Variants in ALK observed in about 807,000 individuals in gnomAD.
ALK encodes ALK tyrosine kinase receptor.
Under a neutral mutation model 163.1 loss-of-function variants are expected in ALK, and 74 were observed. The ratio of observed to expected loss-of-function variants is 0.45; its 90% CI spans 0.38 to 0.55. ALK has a LOEUF of 0.55. Among genes scored for constraint, ALK ranks in the 20% least tolerant of loss-of-function variants. The pLI, the probability that ALK is intolerant of heterozygous loss-of-function variation, is 0.00. For synonymous variants in ALK, 960 were observed against 843.2 expected, an observed-to-expected ratio of 1.14 and a Z score of -2.40; for missense variants, 2,063 against 2,105.3, an observed-to-expected ratio of 0.98 and a Z score of 0.39.
chr2:29,610,952 G>A (rs578020151), intron 3 of ALK, among the ~76,000 whole-genome samples: 4 of 152,216 alleles, frequency 2.6e-5, no homozygotes, highest in African/African-American at 9.6e-5. Flanking sequence ...AGAGGTGTCT[G>A]GGATCATTAA....
Position 29,216,964 on chromosome 2 carries a change from G to A in ALK, c.3646-2883C>T, listed in dbSNP as rs1221898527. 1.5e-4 allele frequency among the ~76,000 whole-genome samples: 18 copies of A among 118,830 alleles called. No homozygotes were observed. The Middle Eastern group carries it at 0.015, about 97-fold the overall frequency. The allele number at this position is 118,830 out of a possible 152,430, so 78.0% of individuals were successfully genotyped here. On this transcript the variant is annotated intron_variant, in intron 23 of 28. Coordinates refer to ENST00000389048, the MANE Select transcript of ALK (RefSeq NM_004304.5). Reference sequence around the variant, plus strand: ...GTGTGTGGCATGTGATGTGTGTGTGGTGTGTGCGTGGTGTGTGTGTGGCAT... The same window carrying A: ...GTGTGTGGCATGTGATGTGTGTGTGATGTGTGCGTGGTGTGTGTGTGGCAT...
chr2:29,901,964 A>G (rs937061542), intron 1 of ALK, among the ~76,000 whole-genome samples: 5 of 152,358 alleles, frequency 3.3e-5, no homozygotes, highest in Admixed American at 2.6e-4. Context: ...AGAGAGAATT[A>G]CTTTGAATAC....
At chr2:29,506,361 A>C (rs1190144824) in intron 4 of ALK, among the ~76,000 whole-genome samples, 8 of 152,196 alleles carry the variant, frequency 5.3e-5, no homozygotes. Context: ...GGGTAATAGA[A>C]GGCGATTAGA....
chr2:29,205,703 C>T (rs984470411), intron 26 of ALK, among the ~76,000 whole-genome samples: 1 of 152,244 alleles, frequency 6.6e-6, no homozygotes, highest in East Asian at 1.9e-4. Context: ...CCTGGTCCTT[C>T]TCTCTTATAA....
intron 12 of ALK, among the ~76,000 whole-genome samples, chr2:29,241,887 C>G (rs547939039): frequency 6.6e-6 from 1 of 152,264 alleles, no homozygotes; most frequent in South Asian, 2.1e-4. Context: ...CAGTCAGTGG[C>G]TGGCTATGGT....
chr2:29,382,642 C>A (rs4356623), intron 5 of ALK, among the ~76,000 whole-genome samples: 9,098 of 152,204 alleles, frequency 0.06, 542 homozygotes, highest in East Asian at 0.31. Flanking sequence ...TCTGTGAGGA[C>A]TGATGATGTC....
At chr2:29,595,284 A>G (rs1573486220) in intron 3 of ALK, among the ~76,000 whole-genome samples, 1 of 150,190 alleles carries the variant, frequency 6.7e-6, no homozygotes, top group African/African-American at 2.4e-5. Flanking sequence ...AGACACAGAC[A>G]GTGGTTTCTT....
chr2:29,195,100 C>A (rs940766772), intron 28 of ALK, among the ~76,000 whole-genome samples: 3 of 152,150 alleles, frequency 2.0e-5, no homozygotes, highest in African/African-American at 7.2e-5. Context: ...TTAAAACATT[C>A]TTTAGTTCCC....
intron 4 of ALK, among the ~76,000 whole-genome samples, chr2:29,436,797 A>G (rs1436577857): frequency 6.6e-6 from 1 of 152,228 alleles, no homozygotes; most frequent in Non-Finnish European, 1.5e-5. Context: ...CACCAGAGAT[A>G]AATGGCTTAG....
intron 1 of ALK, among the ~76,000 whole-genome samples, chr2:29,772,907 G>T (rs1290557520): frequency 6.6e-6 from 1 of 152,156 alleles, no homozygotes; most frequent in African/African-American, 2.4e-5. Flanking sequence ...GCAACACAAG[G>T]ACTTCTGTGT....
chr2:29,286,728 A>C (rs1665866610), intron 9 of ALK: 1 of 152,190 alleles, frequency 6.6e-6, no homozygotes, highest in Admixed American at 6.5e-5. Context: ...CTGCATCATA[A>C]AAATTTGGGA....
intron 6 of ALK, among the ~76,000 whole-genome samples, chr2:29,322,425 A>T (rs13404651): frequency 0.011 from 1,675 of 152,234 alleles, 28 homozygotes; most frequent in African/African-American, 0.037. Context: ...GCTAAGAAGA[A>T]CTTTCTGTTT....
chr2:29,678,655 TA>T (rs1677966251), intron 3 of ALK, among the ~76,000 whole-genome samples: 2 of 151,432 alleles, frequency 1.3e-5, no homozygotes, highest in African/African-American at 2.4e-5. Context: ...GATTGAAGGA[TA>T]TACTTTTTAA....
chr2:29,662,632 T>C (rs1334874206), intron 3 of ALK, among the ~76,000 whole-genome samples: 1 of 152,192 alleles, frequency 6.6e-6, no homozygotes, highest in East Asian at 1.9e-4. Flanking sequence ...TGCCAGCTCC[T>C]GCAGTTACAA....
intron 9 of ALK, among the ~76,000 whole-genome samples, chr2:29,276,432 A>T (rs2148216070): frequency 6.6e-6 from 1 of 152,340 alleles, no homozygotes; most frequent in Admixed American, 6.5e-5. Context: ...ATGGAAGGCT[A>T]GCAGAGTCAG....
At chr2:29,561,254 A>C (rs2148182942) in intron 3 of ALK, among the ~76,000 whole-genome samples, 1 of 152,172 alleles carries the variant, frequency 6.6e-6, no homozygotes, top group East Asian at 1.9e-4. Context: ...AACAATCCCC[A>C]TGCCTCCATT....
chr2:29,701,951 A>G (rs2148295425), intron 2 of ALK, among the ~76,000 whole-genome samples: 1 of 152,212 alleles, frequency 6.6e-6, no homozygotes, highest in Admixed American at 6.5e-5. Context: ...GGGATTGCCA[A>G]TAGAAAAGGC....
At chr2:29,911,158 C>A (rs868529969) in intron 1 of ALK, among the ~76,000 whole-genome samples, 1 of 152,192 alleles carries the variant, frequency 6.6e-6, no homozygotes. Context: ...GGTGGTAGCA[C>A]CATGGACAGC....
chr2:29,719,210 A>G (rs1341893682), intron 1 of ALK, among the ~76,000 whole-genome samples: 1 of 152,228 alleles, frequency 6.6e-6, no homozygotes, highest in African/African-American at 2.4e-5. Context: ...TCTGCTTTCC[A>G]TAGCTCTGAG....
Sources: gnomAD v4.1 joint callset for allele counts (sites outside exome capture counted in the v4.1 genomes callset) on GRCh38, gnomAD v4.1.1 for gene constraint, MANE v1.5 for transcripts, NCBI Gene and HGNC (gene_info 2026-07-23, HGNC 2026-07-21) for gene names.